Variants in LRP2 observed in about 807,000 individuals in gnomAD.
The protein encoded by LRP2 is low-density lipoprotein receptor-related protein 2.
Under a neutral mutation model 531.0 loss-of-function variants are expected in LRP2, and 172 were observed. That is an observed-to-expected ratio of 0.32 (90% CI 0.29 to 0.37). The LOEUF is 0.37. LRP2 is among the 10% of genes least tolerant of loss of function. The pLI is 1.00. For missense variants in LRP2, 5,167 were observed against 5,868.3 expected, an observed-to-expected ratio of 0.88 and a Z score of 3.90; for synonymous variants, 1,992 against 2,027.6, an observed-to-expected ratio of 0.98 and a Z score of 0.47.
intron 44 of LRP2, among the ~76,000 whole-genome samples, chr2:169,200,534 G>T: frequency 6.6e-6 from 1 of 152,002 alleles, no homozygotes; most frequent in East Asian, 1.9e-4. Flanking sequence ...GGACAACTGG[G>T]CACCAAGAAA....
At chr2:169,285,153 T>TAA (rs58043794) in intron 9 of LRP2, among the ~76,000 whole-genome samples, 1 of 134,690 alleles carries the variant, frequency 7.4e-6, no homozygotes, top group Non-Finnish European at 1.6e-5. Context: ...TACTAAGAAT[T>TAA]AAAAAAAAAA....
intron 36 of LRP2, among the ~76,000 whole-genome samples, chr2:169,212,571 TA>T (rs1052226396): frequency 6.6e-6 from 1 of 152,152 alleles, no homozygotes; most frequent in Non-Finnish European, 1.5e-5. Flanking sequence ...TTTTTTTAAA[TA>T]TATGAAATAA....
intron 55 of LRP2, 60 bp from the exon 56 acceptor site, chr2:169,174,224 T>G: frequency 6.2e-7 from 1 of 1,604,414 alleles, no homozygotes; most frequent in Non-Finnish European, 8.5e-7. Flanking sequence ...AGCTCCTAAT[T>G]GACATCAGTG....
Position 169,128,848 on chromosome 2 carries a change from C to G in LRP2, c.13801-18G>C. ...TTCTCCATCTAAGAATACAATGTAA[C>G]AGGAATCAGCCATTTATTCCCCCAA... On this transcript the variant is annotated intron_variant, in intron 78 of 78. Transcript: ENST00000649046. The G allele has an allele frequency of 6.2e-7, 1 of 1,613,880 alleles. No individual in the cohort carries two copies. The highest frequency in any genetic ancestry group is 8.5e-7 in the Non-Finnish European group (1 of 1,179,844).
Position 169,202,645 on chromosome 2 carries a change from G to A in LRP2, c.8209+111C>T, listed in dbSNP as rs1443435035. ...AGGAAACATTTTTCAGCTCTACCAG[G>A]ATGCCTAGGCACACATTTCAAACAC... On this transcript the variant is annotated intron_variant, in intron 43 of 78. Coordinates refer to ENST00000649046, the MANE Select transcript of LRP2 (RefSeq NM_004525.3). 6 of 1,097,668 alleles carry A rather than the reference G, an allele frequency of 5.5e-6. No individual in the cohort carries two copies. The Admixed American group carries it at 1.0e-4, about 19-fold the overall frequency. 68.0% of individuals were successfully genotyped at this position (1,097,668 alleles called of 1,614,324 possible). A position where few individuals can be genotyped will look rare whatever the true frequency, so the allele number is the denominator to read the frequency against.
rs147706076 is a variant in LRP2 at position 169,158,166 on chromosome 2, C to T, written c.11888-664G>A. On this transcript the variant is annotated intron_variant, in intron 63 of 78. Coordinates refer to ENST00000649046, the MANE Select transcript of LRP2 (RefSeq NM_004525.3). ...ATACATAGAGTTCTAAATCATACAA[C>T]TGCTCTTAGAGCCATAAATTAGTAC... Among the ~76,000 whole-genome samples the T allele has an allele frequency of 4.0e-5, 6 of 151,094 alleles. No individual in the cohort carries two copies. The East Asian group carries it at 1.2e-3, about 29-fold the overall frequency.
intron 76 of LRP2, among the ~76,000 whole-genome samples, chr2:169,136,629 T>TGA (rs949799734): frequency 8.7e-5 from 9 of 103,514 alleles, no homozygotes; most frequent in South Asian, 3.6e-4. Context: ...TCCCCCCCAC[T>TGA]GAGCACCTTG....
chr2:169,227,214 C>T (rs1472568033), intron 31 of LRP2, among the ~76,000 whole-genome samples: 1 of 152,042 alleles, frequency 6.6e-6, no homozygotes, highest in Non-Finnish European at 1.5e-5. Flanking sequence ...TTATTGTGTC[C>T]CAGGGCCTGG....
chr2:169,293,298 G>T (rs924952606), intron 6 of LRP2, among the ~76,000 whole-genome samples: 8 of 152,170 alleles, frequency 5.3e-5, no homozygotes, highest in Non-Finnish European at 8.8e-5. Context: ...AATAAGAGAG[G>T]TCATTTGCAT....
Position 169,216,371 on chromosome 2 carries a change from G to C in LRP2, c.5708C>G (p.Ala1903Gly). 6.2e-7 allele frequency: 1 copy of C among 1,613,680 alleles called. No homozygotes were observed. The highest frequency in any genetic ancestry group is 8.5e-7 in the Non-Finnish European group (1 of 1,179,710). Residue 1903 changes from alanine (A) to glycine (G), a missense_variant, in exon 35 of 79, where the codon GCT (alanine) becomes GGT (glycine). Physicochemically the swap from Ala to Gly is moderately conservative, Grantham distance 60. Transcript: ENST00000649046. ...DSGVPAKIAS[A>G]NMDGTSVKTL... ...TTTCACAGATGTGCCATCCATGTTA[G>C]CACTGGCGATCTTGGCAGGAACCCC...
Position 169,236,041 on chromosome 2 carries a change from C to A in LRP2, c.4719G>T (p.Trp1573Cys). The A allele has an allele frequency of 6.2e-7, 1 of 1,613,840 alleles. No homozygotes were observed. Among genetic ancestry groups the A allele is most frequent in the Non-Finnish European group, 8.5e-7 (1 of 1,179,882 alleles). ...MNEHLLFWSD[W>C]GHHPRIERAS... ...CTCGCTCGATGCGAGGGTGGTGGCC[C>A]CAGTCAGACCAGAACAGTAGATGCT... The change falls in exon 29 of 79, where the codon TGG becomes TGT. Residue 1573 changes from tryptophan to cysteine, a missense_variant. Physicochemically the swap from Trp to Cys is radical, Grantham distance 215. Transcript: ENST00000649046.
At chr2:169,241,460 T>C in intron 24 of LRP2, 95 bp from the exon 25 acceptor site, 2 of 1,342,142 alleles carry the variant, frequency 1.5e-6, no homozygotes, top group Non-Finnish European at 2.1e-6. Context: ...GATCCAATAG[T>C]AGGTTTATAG....
At chr2:169,147,065 G>T in intron 68 of LRP2, 106 bp from the exon 69 acceptor site, 1 of 886,134 alleles carries the variant, frequency 1.1e-6, no homozygotes. Context: ...TTATCTCAGG[G>T]ACCTGGGTGC....
At chr2:169,228,053 C>T (rs987530642) in intron 31 of LRP2, among the ~76,000 whole-genome samples, 7 of 152,130 alleles carry the variant, frequency 4.6e-5, no homozygotes, top group African/African-American at 1.2e-4. Context: ...TGAGAATATG[C>T]GCCATACTGC....
intron 1 of LRP2, among the ~76,000 whole-genome samples, chr2:169,321,934 C>T (rs1193391626): frequency 1.3e-5 from 2 of 152,174 alleles, no homozygotes; most frequent in Non-Finnish European, 1.5e-5. Context: ...CCCCAAATAC[C>T]TGGCCAGTGA....
chr2:169,168,440 A>ATT (rs1686869392), intron 61 of LRP2, 99 bp downstream of exon 61: 1 of 1,455,814 alleles, frequency 6.9e-7, no homozygotes, highest in African/African-American at 1.4e-5. Context: ...TTCCTAAACA[A>ATT]TTGTACAACT....
chr2:169,137,287 T>C, intron 76 of LRP2, 105 bp downstream of exon 76: 1 of 872,910 alleles, frequency 1.1e-6, no homozygotes, highest in East Asian at 2.4e-5. Flanking sequence ...CTCACTATGC[T>C]TCCTTCCCTT....
intron 62 of LRP2, among the ~76,000 whole-genome samples, chr2:169,164,637 C>A (rs891871364): frequency 1.3e-5 from 2 of 152,136 alleles, no homozygotes; most frequent in African/African-American, 4.8e-5. Context: ...TCCCTGATGG[C>A]ATAATTATGG....
At chr2:169,339,290 A>G (rs1248180143) in intron 1 of LRP2, among the ~76,000 whole-genome samples, 1 of 152,142 alleles carries the variant, frequency 6.6e-6, no homozygotes, top group Non-Finnish European at 1.5e-5. Flanking sequence ...TTTATTTTAC[A>G]TTATTACTTC....
Sources: allele counts gnomAD v4.1 joint callset (sites outside exome capture counted in the v4.1 genomes callset), GRCh38; gene constraint gnomAD v4.1.1; transcripts MANE v1.5; gene names NCBI Gene and HGNC (gene_info 2026-07-23, HGNC 2026-07-21).